The following TRUB2 variants were observed in gnomAD, a reference collection of about 807,000 sequenced individuals.
TRUB2 encodes the protein pseudouridylate synthase TRUB2, mitochondrial.
In TRUB2, 31 loss-of-function variants were observed where a neutral mutation model predicts 31.9. The observed-to-expected ratio is 0.97, with a 90% CI of 0.73 to 1.31. The LOEUF is 1.31. Ranked by LOEUF, TRUB2 falls within the 50% of genes most tolerant of loss-of-function variation. The probability of loss-of-function intolerance (pLI) is 0.00; values close to 1 mark genes in which losing one functional copy is unlikely to be tolerated. For synonymous variants in TRUB2, 201 were observed against 182.6 expected (o/e 1.10, Z -0.81); for missense variants, 451 against 439.6 (o/e 1.03, Z -0.23).
At chr9:128,320,867 C>A in intron 2 of TRUB2, among the ~76,000 whole-genome samples, 1 of 151,082 alleles carries the variant, frequency 6.6e-6, no homozygotes, top group South Asian at 2.1e-4. Context: ...CGGCTCACTG[C>A]AACCTCCGCC....
intron 2 of TRUB2, among the ~76,000 whole-genome samples, chr9:128,320,679 G>T (rs1193846603): frequency 6.6e-6 from 1 of 152,152 alleles, no homozygotes; most frequent in Non-Finnish European, 1.5e-5. Context: ...TGCCCAGGCT[G>T]ATGTTAAACT....
chr9:128,314,518 T>A (rs1279149528), intron 4 of TRUB2, among the ~76,000 whole-genome samples: 2 of 152,086 alleles, frequency 1.3e-5, no homozygotes, highest in Non-Finnish European at 2.9e-5. Context: ...ACACGTATAA[T>A]CCCAGCACTT....
chr9:128,313,504 C>T lies in TRUB2; in HGVS notation c.460+304G>A, dbSNP rs532564989. ...CGAGCTGAGATCGTGCCACTGCACT[C>T]CAGCCTGGGCGACAGAGCGAGACTC... On this transcript the variant is annotated intron_variant, in intron 5 of 7. Coordinates refer to ENST00000372890, the MANE Select transcript of TRUB2 (RefSeq NM_015679.3). Among the ~76,000 whole-genome samples the T allele has an allele frequency of 1.1e-3, 157 of 146,278 alleles. 3 individuals carry two copies. Among genetic ancestry groups the T allele is most frequent in the Admixed American group, 8.9e-3 (130 of 14,658 alleles).
Position 128,309,685 on chromosome 9 carries a change from G to A in TRUB2, c.861C>T (p.Thr287=). Residue 287 remains threonine (T), a synonymous_variant, in exon 8 of 8, where the codon ACC becomes ACT. Transcript: ENST00000372890. Reference sequence around the variant, plus strand: ...TCTCCAGCTCTGCAGCTACCTGAGGGGTAGCAGCCCGGATAGCATCCTGGA... The same window carrying A: ...TCTCCAGCTCTGCAGCTACCTGAGGAGTAGCAGCCCGGATAGCATCCTGGA... ...TNIQDAIRAA[T]PQVAAELEKS... is the part of the protein sequence containing the mutation. The A allele has an allele frequency of 6.2e-7, 1 of 1,614,220 alleles. No individual in the cohort carries two copies. Among genetic ancestry groups the A allele is most frequent in the South Asian group, 1.1e-5 (1 of 91,092 alleles).
Position 128,309,747 on chromosome 9 carries a change from T to C in TRUB2, c.799A>G (p.Ser267Gly). The change falls in exon 8 of 8, where the codon AGT (serine) becomes GGT (glycine). Residue 267 changes from serine (S) to glycine (G), a missense_variant. Transcript: ENST00000372890. The part of the protein sequence containing the change: ...RTRDGFFTLD[S>G]ALLRTQWDLT... ...TCCCACTGGGTCCTCAGGAGGGCAC[T>C]GTCTAGCGTGAAGAAGCCGTCGCGC... 5 of 1,614,244 alleles carry C rather than the reference T, an allele frequency of 3.1e-6. No individual in the cohort carries two copies. Among genetic ancestry groups the C allele is most frequent in the South Asian group, 1.1e-5 (1 of 91,090 alleles).
intron 7 of TRUB2, 107 bp downstream of exon 7, chr9:128,310,780 C>T: frequency 6.7e-7 from 1 of 1,482,512 alleles, no homozygotes; most frequent in Non-Finnish European, 9.3e-7. Context: ...CCGGCGTGTG[C>T]TGGCCTCAGC....
At chr9:128,316,916 C>A (rs942347120) in intron 3 of TRUB2, 2 of 510,868 alleles carry the variant, frequency 3.9e-6, no homozygotes, top group Non-Finnish European at 6.9e-6. Flanking sequence ...TAAAGGGCCT[C>A]GAACTATGTC....
chr9:128,318,709 T>G (rs547310551), intron 2 of TRUB2, among the ~76,000 whole-genome samples: 1 of 151,974 alleles, frequency 6.6e-6, no homozygotes, highest in East Asian at 2.0e-4. Context: ...ATTTTTTGTA[T>G]TTTTAGTAGA....
chr9:128,315,801 A>C, intron 3 of TRUB2, 173 bp from the exon 4 acceptor site: 2 of 662,076 alleles, frequency 3.0e-6, no homozygotes, highest in Non-Finnish European at 5.3e-6. Context: ...TATATATCAC[A>C]TGCAGATTGC....
In TRUB2 at chr9:128,306,130, T is replaced by C. The variant is rs527393243; in HGVS notation, c.*3420A>G. The C allele has an allele frequency of 3.3e-5, 5 of 152,286 alleles. No individual in the cohort carries two copies. In the South Asian group the frequency reaches 8.3e-4, roughly 25 times the overall value. The allele number at this position is 152,286 out of a possible 1,614,324, so 9.4% of individuals were successfully genotyped here. ...ACAGGATAAGGAAAACATCTCCTTA[T>C]CCAAGTGATTTGGGGTGGTATTCCC... On this transcript the variant is annotated 3_prime_UTR_variant, in exon 8 of 8. Coordinates refer to ENST00000372890, the MANE Select transcript of TRUB2 (RefSeq NM_015679.3).
chr9:128,312,408 G>A (rs950386324), intron 5 of TRUB2, among the ~76,000 whole-genome samples: 17 of 150,740 alleles, frequency 1.1e-4, no homozygotes, highest in African/African-American at 4.2e-4. Flanking sequence ...AAAGTGCTGG[G>A]ATTACAGGCG....
rs1482206011 is a variant in TRUB2 at position 128,308,399 on chromosome 9, T to C, written c.*1151A>G. Reference sequence around the variant, plus strand: ...ATACAAAAAAATTAGCTGGGCGTGGTGGTGGGCACCTGTAGTCCCAGCTAC... The same window carrying C: ...ATACAAAAAAATTAGCTGGGCGTGGCGGTGGGCACCTGTAGTCCCAGCTAC... On this transcript the variant is annotated 3_prime_UTR_variant, in exon 8 of 8. Transcript: ENST00000372890. The C allele has an allele frequency of 1.3e-5, 2 of 152,032 alleles. No homozygotes were observed. Among genetic ancestry groups the C allele is most frequent in the African/African-American group, 4.8e-5 (2 of 41,326 alleles). The allele number at this position is 152,032 out of a possible 1,614,324, so 9.4% of individuals were successfully genotyped here. A position where few individuals can be genotyped will look rare whatever the true frequency, so the allele number is the denominator to read the frequency against.
rs1192223896 is a variant in TRUB2 at position 128,309,450 on chromosome 9, G to T, written c.*100C>A. 4 of 1,316,564 alleles carry T rather than the reference G, an allele frequency of 3.0e-6. No homozygotes were observed. The East Asian group carries it at 7.0e-5, about 23-fold the overall frequency. The allele number at this position is 1,316,564 out of a possible 1,614,324, so 81.6% of individuals were successfully genotyped here. A position where few individuals can be genotyped will look rare whatever the true frequency, so the allele number is the denominator to read the frequency against. Reference sequence around the variant, plus strand: ...CAGCTTGAGTTTTGTGTCTTACGTAGAAAAGGTGCCCCTGCTCTCACTTTC... The same window carrying T: ...CAGCTTGAGTTTTGTGTCTTACGTATAAAAGGTGCCCCTGCTCTCACTTTC... On this transcript the variant is annotated 3_prime_UTR_variant, in exon 8 of 8. Coordinates refer to ENST00000372890, the MANE Select transcript of TRUB2 (RefSeq NM_015679.3).
At chr9:128,315,828 G>T in intron 3 of TRUB2, 200 bp from the exon 4 acceptor site, 1 of 595,838 alleles carries the variant, frequency 1.7e-6, no homozygotes, top group Admixed American at 2.7e-5. Flanking sequence ...TTACCCATAT[G>T]CACTGAATCT....
intron 5 of TRUB2, 75 bp from the exon 6 acceptor site, chr9:128,311,676 C>T (rs1183937202): frequency 3.4e-6 from 5 of 1,489,038 alleles, no homozygotes; most frequent in Non-Finnish European, 4.7e-6. Context: ...TCCCCCCAGG[C>T]CAGCCCCATC....
intron 4 of TRUB2, 82 bp from the exon 5 acceptor site, chr9:128,313,971 G>T: frequency 2.3e-6 from 3 of 1,313,560 alleles, no homozygotes; most frequent in Non-Finnish European, 3.3e-6. Context: ...TGGGGGTGGG[G>T]GGTCCTCAGG....
rs746290746 is a variant in TRUB2 at position 128,311,619 on chromosome 9, T to C, written c.461-18A>G. ...CACGTGGTCTGGAAAAGGCAGGGGGTTGTCAATGTACAGGTACCTGCTGAG... is the reference window on the plus strand; with the variant it reads ...CACGTGGTCTGGAAAAGGCAGGGGGCTGTCAATGTACAGGTACCTGCTGAG... On this transcript the variant is annotated intron_variant, in intron 5 of 7. Transcript: ENST00000372890. 7 of 1,613,530 alleles carry C rather than the reference T, an allele frequency of 4.3e-6. No individual in the cohort carries two copies. Among genetic ancestry groups the C allele is most frequent in the South Asian group, 1.1e-5 (1 of 91,044 alleles).
chr9:128,318,332 C>A lies in TRUB2; in HGVS notation c.242-1106G>T, dbSNP rs1832102043. On this transcript the variant is annotated intron_variant, in intron 2 of 7. Coordinates refer to ENST00000372890, the MANE Select transcript of TRUB2 (RefSeq NM_015679.3). Reference sequence around the variant, plus strand: ...GCACTCCAGACTCCAGCCTGGGCAACAGAGCAAGACTCTGTCAAATAAATA... The same window carrying A: ...GCACTCCAGACTCCAGCCTGGGCAAAAGAGCAAGACTCTGTCAAATAAATA... Among the ~76,000 whole-genome samples, 4 of 152,074 alleles carry A rather than the reference C, an allele frequency of 2.6e-5. 1 individual carries two copies. In the South Asian group the frequency reaches 8.3e-4, roughly 32 times the overall value.
chr9:128,321,039 G>A (rs138618634), intron 2 of TRUB2, among the ~76,000 whole-genome samples: 12 of 151,698 alleles, frequency 7.9e-5, no homozygotes, highest in East Asian at 7.8e-4. Flanking sequence ...CACCCTCCTC[G>A]GCCTCTCAAA....
Sources: gnomAD v4.1 joint callset for allele counts (sites outside exome capture counted in the v4.1 genomes callset) on GRCh38, gnomAD v4.1.1 for gene constraint, MANE v1.5 for transcripts, NCBI Gene and HGNC (gene_info 2026-07-23, HGNC 2026-07-21) for gene names.